The following SPSB1 variants were observed in gnomAD, a reference collection of about 807,000 sequenced individuals.
SPSB1 encodes splA/ryanodine receptor domain and SOCS box containing 1.
In SPSB1, 8 loss-of-function variants were observed where a neutral mutation model predicts 21.2. The ratio of observed to expected loss-of-function variants is 0.38; its 90% CI spans 0.22 to 0.68. The LOEUF (loss-of-function observed/expected upper bound fraction) is 0.68. Among genes scored for constraint, SPSB1 ranks in the 30% least tolerant of loss-of-function variants. SPSB1 has a pLI of 0.53. For synonymous variants in SPSB1, 169 were observed against 161.7 expected, an observed-to-expected ratio of 1.05 and a Z score of -0.34; for missense variants, 242 against 377.8, an observed-to-expected ratio of 0.64 and a Z score of 2.98.
intron 1 of SPSB1, among the ~76,000 whole-genome samples, chr1:9,342,560 G>A (rs78325247): frequency 0.013 from 1,935 of 152,258 alleles, 45 homozygotes; most frequent in African/African-American, 0.044. Flanking sequence ...GAATCCAAAC[G>A]TCCCTCTCCC....
chr1:9,356,634 T>A lies in SPSB1; in HGVS notation c.694+49T>A, dbSNP rs764821197. 6.5e-7 allele frequency: 1 copy of A among 1,535,784 alleles called. No individual in the cohort carries two copies. The highest frequency in any genetic ancestry group is 8.8e-7 in the Non-Finnish European group (1 of 1,141,418). ...AGGCAATGCCCTCCCTCAGTCCCCATGGTCCTGGCTGGGCTCAGGCCAAAA... is the reference window on the plus strand; with the variant it reads ...AGGCAATGCCCTCCCTCAGTCCCCAAGGTCCTGGCTGGGCTCAGGCCAAAA... On this transcript the variant is annotated intron_variant, in intron 2 of 2. Transcript: ENST00000328089. This position sits in a 1 kb window ranked among gnomAD's most constrained non-coding sequence, Gnocchi z 7.4.
intron 1 of SPSB1, among the ~76,000 whole-genome samples, chr1:9,299,785 C>A (rs1239697770): frequency 6.6e-6 from 1 of 151,940 alleles, no homozygotes; most frequent in East Asian, 1.9e-4. Flanking sequence ...GGGCCGACAT[C>A]ATCTCTATAA....
At chr1:9,337,690 C>T (rs1319368375) in intron 1 of SPSB1, among the ~76,000 whole-genome samples, 4 of 152,198 alleles carry the variant, frequency 2.6e-5, no homozygotes, top group African/African-American at 7.2e-5. Flanking sequence ...CTGATGGGGA[C>T]TCCCTGGCCA....
chr1:9,362,467 A>G (rs1229881569), intron 2 of SPSB1, among the ~76,000 whole-genome samples: 1 of 152,242 alleles, frequency 6.6e-6, no homozygotes, highest in Non-Finnish European at 1.5e-5. Context: ...GACCCGTGAC[A>G]TTCTAGAATC....
At chr1:9,359,811 G>T (rs1193639947) in intron 2 of SPSB1, among the ~76,000 whole-genome samples, 1 of 149,304 alleles carries the variant, frequency 6.7e-6, no homozygotes, top group Non-Finnish European at 1.5e-5. Flanking sequence ...GCTTGTCCCG[G>T]TGAGAGGTGA....
chr1:9,313,677 C>T (rs942820160), intron 1 of SPSB1, among the ~76,000 whole-genome samples: 3 of 152,120 alleles, frequency 2.0e-5, no homozygotes, highest in African/African-American at 7.2e-5. Flanking sequence ...GGGGAGGGGT[C>T]GAGTGAGCAC....
chr1:9,329,706 A>AC (rs111354825), intron 1 of SPSB1, among the ~76,000 whole-genome samples: 7 of 122,046 alleles, frequency 5.7e-5, no homozygotes, highest in African/African-American at 3.6e-4. Context: ...AACAACAACA[A>AC]AAAAAAAAAA....
intron 2 of SPSB1, among the ~76,000 whole-genome samples, chr1:9,357,853 TCA>T (rs143705280): frequency 0.025 from 3,837 of 152,280 alleles, 70 homozygotes; most frequent in South Asian, 0.069. Flanking sequence ...CGGCCCTCTC[TCA>T]GAGTTCCTTG....
chr1:9,312,060 T>G (rs970057403), intron 1 of SPSB1, among the ~76,000 whole-genome samples: 91 of 152,238 alleles, frequency 6.0e-4, no homozygotes, highest in African/African-American at 2.1e-3. Context: ...CATAGCTCAC[T>G]GCACCTCAAA....
At chr1:9,335,438 G>T (rs1639989296) in intron 1 of SPSB1, among the ~76,000 whole-genome samples, 1 of 151,732 alleles carries the variant, frequency 6.6e-6, no homozygotes, top group African/African-American at 2.4e-5. Context: ...GGAGGTGAAG[G>T]TTGCAGTGAG....
chr1:9,339,899 AT>A (rs889039963), intron 1 of SPSB1, among the ~76,000 whole-genome samples: 17 of 152,092 alleles, frequency 1.1e-4, no homozygotes, highest in African/African-American at 3.9e-4. Flanking sequence ...GGTCAGTTGT[AT>A]TTTAGGATTG....
intron 1 of SPSB1, among the ~76,000 whole-genome samples, chr1:9,301,011 A>G (rs1639319137): frequency 6.6e-6 from 1 of 152,188 alleles, no homozygotes; most frequent in African/African-American, 2.4e-5. Context: ...CCTCTGAAGG[A>G]TGGGGGTGAA....
At chr1:9,303,602 T>C (rs80087011) in intron 1 of SPSB1, among the ~76,000 whole-genome samples, 1 of 152,242 alleles carries the variant, frequency 6.6e-6, no homozygotes, top group East Asian at 1.9e-4. Flanking sequence ...TCATAGTATT[T>C]AAGTTATTGA....
At chr1:9,336,680 C>T (rs1442762640) in intron 1 of SPSB1, among the ~76,000 whole-genome samples, 1 of 152,172 alleles carries the variant, frequency 6.6e-6, no homozygotes, top group Non-Finnish European at 1.5e-5. Flanking sequence ...CTAGTGAGGA[C>T]GCAACTCCTG....
At chr1:9,333,487 T>C (rs899494331) in intron 1 of SPSB1, among the ~76,000 whole-genome samples, 1 of 152,116 alleles carries the variant, frequency 6.6e-6, no homozygotes, top group African/African-American at 2.4e-5. Flanking sequence ...CGTGCCACTA[T>C]GCCTGGCTAA....
intron 1 of SPSB1, among the ~76,000 whole-genome samples, chr1:9,308,896 C>T (rs763098283): frequency 1.2e-4 from 19 of 152,054 alleles, no homozygotes; most frequent in Non-Finnish European, 2.2e-4. Flanking sequence ...GCTTGGGAGG[C>T]GTGTGATGCA....
At chr1:9,329,402 C>T (rs1438563249) in intron 1 of SPSB1, among the ~76,000 whole-genome samples, 1 of 151,816 alleles carries the variant, frequency 6.6e-6, no homozygotes, top group African/African-American at 2.4e-5. Context: ...AGGTGACACC[C>T]GGTGGTGGGT....
At chr1:9,343,361 T>TGC (rs777246199) in intron 1 of SPSB1, among the ~76,000 whole-genome samples, 36,393 of 152,094 alleles carry the variant, frequency 0.24, 4,345 homozygotes, top group Middle Eastern at 0.31. Flanking sequence ...GTACAATGTG[T>TGC]GACCTTTTAT....
chr1:9,312,789 A>C (rs1639544887), intron 1 of SPSB1, among the ~76,000 whole-genome samples: 1 of 152,164 alleles, frequency 6.6e-6, no homozygotes, highest in South Asian at 2.1e-4. Flanking sequence ...TCTTATTGCA[A>C]GTGGCGCAGT....
Sources: allele counts gnomAD v4.1 joint callset (sites outside exome capture counted in the v4.1 genomes callset), GRCh38; gene constraint gnomAD v4.1.1; non-coding constraint Gnocchi (gnomAD v3.1); transcripts MANE v1.5; gene names NCBI Gene and HGNC (gene_info 2026-07-23, HGNC 2026-07-21).